NEO1: variants seen among roughly 807,000 people sequenced by gnomAD.
The protein encoded by NEO1 is neogenin 1.
A neutral mutation model predicts 159.7 loss-of-function variants in NEO1; 63 were observed. The observed-to-expected ratio is 0.39, with a 90% CI of 0.32 to 0.49. NEO1 has a LOEUF of 0.49. NEO1 is among the 20% of genes least tolerant of loss of function. NEO1 has a pLI of 0.85. For missense variants in NEO1, 1,615 were observed against 1,831.0 expected, an observed-to-expected ratio of 0.88 and a Z score of 2.15; for synonymous variants, 633 against 662.0, an observed-to-expected ratio of 0.96 and a Z score of 0.67.
chr15:73,231,395 G>T (rs1368850009), intron 7 of NEO1, among the ~76,000 whole-genome samples: 1 of 152,122 alleles, frequency 6.6e-6, no homozygotes, highest in African/African-American at 2.4e-5. Context: ...GATATCCACA[G>T]TAAGCCTGCT....
chr15:73,133,018 A>G (rs999369033), intron 4 of NEO1, among the ~76,000 whole-genome samples: 4 of 152,206 alleles, frequency 2.6e-5, no homozygotes, highest in South Asian at 2.1e-4. Context: ...CGATCCAGCA[A>G]TCCCGTTCCT....
At chr15:73,263,011 C>G (rs2040696448) in intron 15 of NEO1, among the ~76,000 whole-genome samples, 2 of 151,958 alleles carry the variant, frequency 1.3e-5, no homozygotes, top group South Asian at 4.2e-4. Context: ...CAGTGGTTGC[C>G]TGGAACCAGG....
intron 7 of NEO1, among the ~76,000 whole-genome samples, chr15:73,228,262 G>A (rs1416390608): frequency 1.3e-5 from 2 of 152,098 alleles, no homozygotes; most frequent in African/African-American, 2.4e-5. Context: ...GAGTCAGGCT[G>A]GTTGCTTTCC....
intron 4 of NEO1, among the ~76,000 whole-genome samples, chr15:73,130,948 A>G (rs1166120335): frequency 1.3e-5 from 2 of 152,010 alleles, no homozygotes. Context: ...GGGAGCTGGA[A>G]CTCCCAACCC....
chr15:73,176,622 C>A, intron 6 of NEO1, 65 bp downstream of exon 6: 1 of 1,283,268 alleles, frequency 7.8e-7, no homozygotes, highest in Non-Finnish European at 1.1e-6. Context: ...ATGTAGTCAC[C>A]GAGAGATCAG....
chr15:73,140,059 G>A (rs970964535), intron 5 of NEO1, among the ~76,000 whole-genome samples: 3 of 152,186 alleles, frequency 2.0e-5, no homozygotes, highest in African/African-American at 7.2e-5. Flanking sequence ...TGAAAAAGTG[G>A]TTGTCGTTAT....
At chr15:73,174,287 G>A (rs1165132287) in intron 5 of NEO1, among the ~76,000 whole-genome samples, 1 of 152,162 alleles carries the variant, frequency 6.6e-6, no homozygotes, top group Non-Finnish European at 1.5e-5. Context: ...TGCTGCCAAA[G>A]GACATAGCTA....
At chr15:73,209,242 A>G (rs1453888403) in intron 7 of NEO1, among the ~76,000 whole-genome samples, 1 of 152,248 alleles carries the variant, frequency 6.6e-6, no homozygotes, top group Non-Finnish European at 1.5e-5. Flanking sequence ...ACCATTGGGA[A>G]CAACCTGTGT....
At chr15:73,226,326 G>A (rs1472289717) in intron 7 of NEO1, among the ~76,000 whole-genome samples, 1 of 152,166 alleles carries the variant, frequency 6.6e-6, no homozygotes, top group African/African-American at 2.4e-5. Flanking sequence ...TGCCTCTCCC[G>A]TCTGCCATGG....
At chr15:73,241,615 G>C (rs190875097) in intron 8 of NEO1, among the ~76,000 whole-genome samples, 10 of 152,226 alleles carry the variant, frequency 6.6e-5, no homozygotes, top group Admixed American at 6.5e-4. Flanking sequence ...CTAACTTCCA[G>C]CCCAGTGCTT....
chr15:73,159,689 T>C (rs2034032891), intron 5 of NEO1, among the ~76,000 whole-genome samples: 1 of 152,164 alleles, frequency 6.6e-6, no homozygotes, highest in South Asian at 2.1e-4. Context: ...TTAAAATAGC[T>C]TACTATTTGG....
intron 7 of NEO1, among the ~76,000 whole-genome samples, chr15:73,211,815 C>T (rs148090146): frequency 1.7e-3 from 257 of 152,318 alleles, no homozygotes; most frequent in African/African-American, 5.7e-3. Flanking sequence ...ATAGGGTTCC[C>T]CTTGAGTCTT....
intron 5 of NEO1, chr15:73,161,896 ACTTC>A: frequency 4.9e-6 from 1 of 202,650 alleles, no homozygotes; most frequent in Non-Finnish European, 1.0e-5. Flanking sequence ...CTTTTTCTGT[ACTTC>A]CTTGCTGTTT....
At chr15:73,253,713 C>G (rs2040200278) in intron 12 of NEO1, among the ~76,000 whole-genome samples, 1 of 152,192 alleles carries the variant, frequency 6.6e-6, no homozygotes, top group African/African-American at 2.4e-5. Flanking sequence ...ATTTTGCTTC[C>G]TTCCTCTGAC....
intron 23 of NEO1, 87 bp downstream of exon 23, chr15:73,283,198 G>C: frequency 2.1e-6 from 3 of 1,405,764 alleles, no homozygotes; most frequent in Non-Finnish European, 2.9e-6. Context: ...GGTACACAAA[G>C]TTAAGACATA....
intron 7 of NEO1, among the ~76,000 whole-genome samples, chr15:73,208,277 A>G (rs11634045): frequency 0.29 from 43,737 of 152,150 alleles, 7,343 homozygotes; most frequent in East Asian, 0.57. Flanking sequence ...GCCATTTCAA[A>G]TAAGTGACAT....
intron 7 of NEO1, among the ~76,000 whole-genome samples, chr15:73,226,958 G>C (rs2150795171): frequency 6.6e-6 from 1 of 152,268 alleles, no homozygotes; most frequent in East Asian, 1.9e-4. Context: ...GTCAAATTAG[G>C]ATAACTGGGG....
At chr15:73,293,646 A>G in intron 26 of NEO1, 98 bp downstream of exon 26, 1 of 1,309,138 alleles carries the variant, frequency 7.6e-7, no homozygotes, top group Non-Finnish European at 1.0e-6. Flanking sequence ...GGGATTTGGA[A>G]TTTTTCTGTT....
rs375160847 is a variant in NEO1 at position 73,079,160 on chromosome 15, T to G, written c.130+26355T>G. ...TTGGAATCTTATTGTTACTGGTTGT[T>G]TACTGCCCCACATCCTTAGCTCCAA... On this transcript the variant is annotated intron_variant, in intron 1 of 28. Transcript: ENST00000261908. Among the ~76,000 whole-genome samples the G allele has an allele frequency of 1.1e-4, 16 of 152,324 alleles. No homozygotes were observed. The East Asian group carries it at 1.2e-3, about 11-fold the overall frequency.
Sources: allele counts gnomAD v4.1 joint callset (sites outside exome capture counted in the v4.1 genomes callset), GRCh38; gene constraint gnomAD v4.1.1; transcripts MANE v1.5; gene names NCBI Gene and HGNC (gene_info 2026-07-23, HGNC 2026-07-21).